ZHX3: variants seen among roughly 807,000 people sequenced by gnomAD.
ZHX3 encodes the protein zinc fingers and homeoboxes 3, also known as zinc fingers and homeoboxes protein 3.
A neutral mutation model predicts 64.5 loss-of-function variants in ZHX3; 20 were observed. The observed-to-expected ratio is 0.31, with a 90% CI of 0.22 to 0.45. The LOEUF (loss-of-function observed/expected upper bound fraction) is 0.45. ZHX3 is among the 20% of genes least tolerant of loss of function. ZHX3 has a pLI of 1.00. For missense variants in ZHX3, 1,041 were observed against 1,195.8 expected, an observed-to-expected ratio of 0.87 and a Z score of 1.91; for synonymous variants, 423 against 461.6, an observed-to-expected ratio of 0.92 and a Z score of 1.07.
At chr20:41,289,521 T>C (rs2044116573) in intron 1 of ZHX3, among the ~76,000 whole-genome samples, 1 of 152,182 alleles carries the variant, frequency 6.6e-6, no homozygotes. Context: ...TACAGAGTAG[T>C]GTCTCCCTCA....
In ZHX3 at chr20:41,185,212, AAC is replaced by A. The variant is rs1337369908; in HGVS notation, c.2861-13_2861-12del. 1.9e-6 allele frequency: 3 copies of A among 1,603,206 alleles called. No homozygotes were observed. The highest frequency in any genetic ancestry group is 2.6e-6 in the Non-Finnish European group (3 of 1,173,210). On this transcript the variant is annotated splice_polypyrimidine_tract_variant and intron_variant, in intron 3 of 3. Transcript: ENST00000683867. This position sits in a 1 kb window ranked among gnomAD's most constrained non-coding sequence, Gnocchi z 5.0. ...AAATTCAGTCTGTTTCTGAGAAGAA[AAC>A]ACATGCCTGTCACTCTACGGCAGCT...
intron 1 of ZHX3, chr20:41,316,734 T>C (rs1308210881): frequency 6.6e-6 from 1 of 152,204 alleles, no homozygotes; most frequent in East Asian, 1.9e-4. Flanking sequence ...CAACTCAAAA[T>C]GACTCAAGCC....
chr20:41,197,354 A>T (rs1051002352), intron 3 of ZHX3, among the ~76,000 whole-genome samples: 3 of 146,410 alleles, frequency 2.0e-5, no homozygotes, highest in South Asian at 2.1e-4. Context: ...GTATATATTT[A>T]AAATATATAT....
At chr20:41,217,541 A>G (rs1193227101) in intron 2 of ZHX3, among the ~76,000 whole-genome samples, 1 of 152,244 alleles carries the variant, frequency 6.6e-6, no homozygotes, top group Non-Finnish European at 1.5e-5. Flanking sequence ...GAAAATGCTG[A>G]CCTTGGAAAC....
At chr20:41,197,996 G>A (rs2037886778) in intron 3 of ZHX3, among the ~76,000 whole-genome samples, 1 of 142,696 alleles carries the variant, frequency 7.0e-6, no homozygotes, top group Non-Finnish European at 1.5e-5. Context: ...CTTAACTAGT[G>A]CTCTTTTTTT....
At chr20:41,198,947 T>A (rs1359821587) in intron 3 of ZHX3, among the ~76,000 whole-genome samples, 1 of 152,172 alleles carries the variant, frequency 6.6e-6, no homozygotes, top group Non-Finnish European at 1.5e-5. Context: ...CTCCTTTGGA[T>A]AATTTCAATT....
chr20:41,293,614 T>C (rs1255588459), intron 1 of ZHX3, among the ~76,000 whole-genome samples: 1 of 152,158 alleles, frequency 6.6e-6, no homozygotes, highest in African/African-American at 2.4e-5. Flanking sequence ...TCTAGAGAAC[T>C]AGCTATAAGT....
At chr20:41,236,497 C>G (rs1011275333) in intron 2 of ZHX3, among the ~76,000 whole-genome samples, 1 of 152,096 alleles carries the variant, frequency 6.6e-6, no homozygotes, top group African/African-American at 2.4e-5. Flanking sequence ...CTTTGACAAA[C>G]CTGACAAAAA....
intron 1 of ZHX3, among the ~76,000 whole-genome samples, chr20:41,296,409 C>T (rs1216402342): frequency 6.6e-6 from 1 of 152,070 alleles, no homozygotes. Context: ...ATCACCAGGA[C>T]TGAGTTGACT....
rs768093797 is a variant in ZHX3 at position 41,203,175 on chromosome 20, T to A, written c.1742A>T (p.Lys581Met). 1 of 1,614,018 alleles carries A rather than the reference T, an allele frequency of 6.2e-7. No individual in the cohort carries two copies. Among genetic ancestry groups the A allele is most frequent in the East Asian group, 2.2e-5 (1 of 44,888 alleles). The change falls in exon 3 of 4, where the codon AAG (lysine) becomes ATG (methionine). Residue 581 changes from lysine to methionine, a missense_variant. By Grantham distance (95) the Lys-to-Met change is moderately conservative. Around this residue, in one of 4 missense-constraint regions of ZHX3, gnomAD observed 649 missense variants for 739.8 expected, o/e 0.88. Coordinates refer to ENST00000683867, the MANE Select transcript of ZHX3 (RefSeq NM_001384317.1). The surrounding 1 kb of genome is among the most constrained non-coding windows in gnomAD (Gnocchi z 7.1). ...VPEVSFSPSS[K>M]VPEVTCIPTT... is the part of the protein sequence containing the mutation. ...CGGAATGCAGGTTACCTCAGGGACCTTGGACGATGGGGAGAAGGACACCTC... is the reference window on the plus strand; with the variant it reads ...CGGAATGCAGGTTACCTCAGGGACCATGGACGATGGGGAGAAGGACACCTC...
At chr20:41,266,564 T>C (rs1349318594) in intron 2 of ZHX3, among the ~76,000 whole-genome samples, 1 of 136,812 alleles carries the variant, frequency 7.3e-6, no homozygotes, top group African/African-American at 2.9e-5. Flanking sequence ...TTTTTTTTTT[T>C]AGATGGAGTC....
intron 2 of ZHX3, among the ~76,000 whole-genome samples, chr20:41,205,603 G>A (rs959754090): frequency 1.3e-5 from 2 of 152,178 alleles, no homozygotes; most frequent in Admixed American, 6.5e-5. Flanking sequence ...ACCGGCTGCT[G>A]TAAGAGCCAG....
intron 2 of ZHX3, among the ~76,000 whole-genome samples, chr20:41,229,928 A>G (rs1457623723): frequency 6.6e-6 from 1 of 152,060 alleles, no homozygotes; most frequent in Non-Finnish European, 1.5e-5. Context: ...GTTAACTTTT[A>G]TATATATGGT....
At chr20:41,198,073 C>T (rs1378309639) in intron 3 of ZHX3, among the ~76,000 whole-genome samples, 6 of 144,746 alleles carry the variant, frequency 4.1e-5, no homozygotes, top group Non-Finnish European at 7.5e-5. Context: ...GGTGCGATCT[C>T]GGCTCACTGC....
intron 3 of ZHX3, among the ~76,000 whole-genome samples, chr20:41,186,373 A>G (rs759947997): frequency 2.0e-5 from 3 of 152,212 alleles, no homozygotes; most frequent in Non-Finnish European, 2.9e-5. Flanking sequence ...TACTGTATGT[A>G]CACACACATT....
intron 2 of ZHX3, among the ~76,000 whole-genome samples, chr20:41,215,730 C>A (rs2039474510): frequency 7.1e-6 from 1 of 140,524 alleles, no homozygotes; most frequent in African/African-American, 2.7e-5. Context: ...GTCAGGAGAT[C>A]GAGACCATCC....
chr20:41,191,868 C>T (rs550746376), intron 3 of ZHX3, among the ~76,000 whole-genome samples: 2 of 152,312 alleles, frequency 1.3e-5, no homozygotes, highest in East Asian at 3.9e-4. Flanking sequence ...GGGCCATTCT[C>T]CAGGCACCAG....
intron 2 of ZHX3, among the ~76,000 whole-genome samples, chr20:41,240,466 C>T (rs1434677039): frequency 1.3e-5 from 2 of 152,118 alleles, no homozygotes; most frequent in African/African-American, 2.4e-5. Flanking sequence ...TTGGTACAGG[C>T]ATGTGACGCA....
intron 1 of ZHX3, among the ~76,000 whole-genome samples, chr20:41,288,459 A>G: frequency 6.6e-6 from 1 of 152,266 alleles, no homozygotes; most frequent in South Asian, 2.1e-4. Flanking sequence ...AAATGAATAC[A>G]TGGTTAAAAA....
Sources: gnomAD v4.1 joint callset for allele counts (sites outside exome capture counted in the v4.1 genomes callset) on GRCh38, gnomAD v4.1.1 for gene constraint, gnomAD v4.1.1 regional missense constraint, Gnocchi (gnomAD v3.1) non-coding constraint, MANE v1.5 for transcripts, NCBI Gene and HGNC (gene_info 2026-07-23, HGNC 2026-07-21) for gene names.